Variants in FRMD6 observed in about 807,000 individuals in gnomAD.
The protein encoded by FRMD6 is FERM domain containing 6, also known as FERM domain-containing protein 6.
FRMD6 carries 37 observed loss-of-function variants against 73.2 expected under a neutral mutation model. That is an observed-to-expected ratio of 0.51 (90% CI 0.39 to 0.66). The LOEUF (loss-of-function observed/expected upper bound fraction) is 0.66, where lower values mean the gene tolerates loss of function less well. Ranked by LOEUF, FRMD6 falls within the 30% of genes least tolerant of loss-of-function variation. The pLI is 0.00. For synonymous variants in FRMD6, 273 were observed against 282.2 expected (o/e 0.97, Z 0.33); for missense variants, 714 against 780.5 (o/e 0.91, Z 1.02).
At chr14:51,701,695 A>G in intron 4 of FRMD6, among the ~76,000 whole-genome samples, 1 of 150,978 alleles carries the variant, frequency 6.6e-6, no homozygotes, top group Non-Finnish European at 1.5e-5. Flanking sequence ...AATAAATAGA[A>G]TCTGGATTAT....
At chr14:51,536,625 C>T (rs1885910741) in intron 1 of FRMD6, among the ~76,000 whole-genome samples, 1 of 151,944 alleles carries the variant, frequency 6.6e-6, no homozygotes, top group African/African-American at 2.4e-5. Flanking sequence ...CCATGTTGGC[C>T]AGGCTGGTCT....
At chr14:51,603,015 T>G (rs563671281) in intron 2 of FRMD6, among the ~76,000 whole-genome samples, 3 of 152,278 alleles carry the variant, frequency 2.0e-5, no homozygotes, top group Non-Finnish European at 4.4e-5. Flanking sequence ...TATTAGGTGA[T>G]GGGGTTTTTA....
chr14:51,515,634 T>C (rs995655602), intron 1 of FRMD6, among the ~76,000 whole-genome samples: 1 of 152,192 alleles, frequency 6.6e-6, no homozygotes. Context: ...ATGGTCTTTA[T>C]AGTGACCAGC....
At chr14:51,426,502 G>A in the FRMD6 span, among the ~76,000 whole-genome samples, 1 of 152,108 alleles carries the variant, frequency 6.6e-6, no homozygotes, top group Non-Finnish European at 1.5e-5. Flanking sequence ...ATTTTCCTAA[G>A]TGGATGGCAA....
Position 51,683,294 on chromosome 14 carries a change from G to C in FRMD6, c.-146-6397G>C, listed in dbSNP as rs959114986. Among the ~76,000 whole-genome samples, 17 of 152,026 alleles carry C rather than the reference G, an allele frequency of 1.1e-4. 1 individual carries two copies. The highest frequency in any genetic ancestry group is 3.4e-4 in the African/African-American group (14 of 41,378). Reference sequence around the variant, plus strand: ...TTTTATTTTTTTTATTTTTGAGACAGAGCCTTGCTCTGTTGCTCAGGCTGG... The same window carrying C: ...TTTTATTTTTTTTATTTTTGAGACACAGCCTTGCTCTGTTGCTCAGGCTGG... On this transcript the variant is annotated intron_variant, in intron 1 of 13. Transcript: ENST00000344768.
the FRMD6 span, among the ~76,000 whole-genome samples, chr14:51,468,144 A>G: frequency 6.6e-6 from 1 of 152,152 alleles, no homozygotes; most frequent in East Asian, 1.9e-4. Flanking sequence ...TACAAAAACC[A>G]GTCAGGCATG....
chr14:51,482,745 G>C, the FRMD6 span, among the ~76,000 whole-genome samples: 1 of 151,806 alleles, frequency 6.6e-6, no homozygotes, highest in African/African-American at 2.4e-5. Context: ...CTGTCGCCTG[G>C]ACTGGAGTAA....
intron 9 of FRMD6, among the ~76,000 whole-genome samples, chr14:51,712,954 A>G (rs1160564758): frequency 6.6e-6 from 1 of 152,172 alleles, no homozygotes; most frequent in Non-Finnish European, 1.5e-5. Flanking sequence ...TGTTTCTATT[A>G]ATATTTGACT....
At chr14:51,502,071 TG>T (rs1304209109) in intron 1 of FRMD6, among the ~76,000 whole-genome samples, 3 of 152,230 alleles carry the variant, frequency 2.0e-5, no homozygotes, top group African/African-American at 7.2e-5. Context: ...TTAATAGGGT[TG>T]TTTTTTTCTT....
intron 1 of FRMD6, chr14:51,522,892 A>T (rs561109851): frequency 1.7e-4 from 26 of 152,230 alleles, no homozygotes. Context: ...TGTGTACTCA[A>T]TTGGAACAAT....
At chr14:51,496,790 A>T (rs1883318414) in intron 1 of FRMD6, among the ~76,000 whole-genome samples, 1 of 152,184 alleles carries the variant, frequency 6.6e-6, no homozygotes, top group African/African-American at 2.4e-5. Context: ...TATGCAAAAT[A>T]CACTCATCCC....
intron 10 of FRMD6, chr14:51,717,107 G>A (rs1349384921): frequency 5.9e-5 from 9 of 152,232 alleles, no homozygotes; most frequent in Admixed American, 5.9e-4. Context: ...TTTTCAGAGA[G>A]ACAGGGCGTT....
chr14:51,650,962 G>T (rs908051221), upstream of FRMD6: 4 of 152,322 alleles, frequency 2.6e-5, no homozygotes, highest in African/African-American at 9.7e-5. Context: ...CTCCTTTCGT[G>T]TGCGGTTCCC....
chr14:51,419,709 C>T, the FRMD6 span, among the ~76,000 whole-genome samples: 1 of 152,228 alleles, frequency 6.6e-6, no homozygotes, highest in African/African-American at 2.4e-5. Flanking sequence ...TGAGTTCAGA[C>T]ACTGTCTAGC....
At chr14:51,557,887 T>G (rs1300777067) in intron 1 of FRMD6, among the ~76,000 whole-genome samples, 1 of 151,946 alleles carries the variant, frequency 6.6e-6, no homozygotes. Context: ...ACAAAATAAT[T>G]TGTACACCAA....
chr14:51,660,752 A>G (rs1893164039), intron 1 of FRMD6, among the ~76,000 whole-genome samples: 1 of 152,066 alleles, frequency 6.6e-6, no homozygotes, highest in Admixed American at 6.6e-5. Flanking sequence ...AGGCTAAGGG[A>G]CAGTAGGAGT....
the FRMD6 span, among the ~76,000 whole-genome samples, chr14:51,421,454 A>G: frequency 6.6e-6 from 1 of 152,260 alleles, no homozygotes; most frequent in Non-Finnish European, 1.5e-5. Flanking sequence ...GAGTTAAAAA[A>G]AGAGTGGAAA....
At chr14:51,670,284 A>G (rs1034488149) in intron 1 of FRMD6, among the ~76,000 whole-genome samples, 1 of 152,024 alleles carries the variant, frequency 6.6e-6, no homozygotes, top group African/African-American at 2.4e-5. Flanking sequence ...GGGTCTCACT[A>G]TGTTGCCCAG....
chr14:51,653,545 A>AG (rs1215312303), intron 1 of FRMD6, among the ~76,000 whole-genome samples: 100 of 151,994 alleles, frequency 6.6e-4, no homozygotes, highest in African/African-American at 2.2e-3. Flanking sequence ...AAGGATGAGA[A>AG]ATTTTTTTTT....
Sources: allele counts gnomAD v4.1 joint callset (sites outside exome capture counted in the v4.1 genomes callset), GRCh38; gene constraint gnomAD v4.1.1; transcripts MANE v1.5; gene names NCBI Gene and HGNC (gene_info 2026-07-23, HGNC 2026-07-21).